The following PTGES2 variants were observed in gnomAD, a reference collection of about 807,000 sequenced individuals.
The protein encoded by PTGES2 is prostaglandin E synthase 2, also known as GATE-binding factor 1.
PTGES2 carries 35 observed loss-of-function variants against 44.5 expected under a neutral mutation model. The ratio of observed to expected loss-of-function variants is 0.79; its 90% CI spans 0.60 to 1.04. The LOEUF (loss-of-function observed/expected upper bound fraction) is 1.04. PTGES2 is among the 50% of genes least tolerant of loss of function. PTGES2 has a pLI of 0.00. For synonymous variants in PTGES2, 221 were observed against 227.5 expected (o/e 0.97, Z 0.26); for missense variants, 517 against 521.4 (o/e 0.99, Z 0.08).
upstream of PTGES2, chr9:128,127,995 A>G (rs568881399): frequency 3.3e-5 from 14 of 430,298 alleles, no homozygotes; most frequent in South Asian, 4.5e-4. Context: ...CAGGGGGGCG[A>G]ACGTCTCCTC....
intron 5 of PTGES2, chr9:128,122,688 G>C (rs2130848394): frequency 1.6e-6 from 1 of 629,804 alleles, no homozygotes; most frequent in African/African-American, 1.8e-5. Flanking sequence ...GAAAGCCACA[G>C]AGGAGGCGCC....
Position 128,123,580 on chromosome 9 carries a change from G to T in PTGES2, c.686+122C>A. ...TCTCTACTGAAATCCGGCATGGCCC[G>T]GCCCCAGCCCCGCTGGTCTCCCATG... On this transcript the variant is annotated intron_variant, in intron 4 of 6. Transcript: ENST00000338961. This position sits in a 1 kb window ranked among gnomAD's most constrained non-coding sequence, Gnocchi z 4.4. 1 of 1,056,392 alleles carries T rather than the reference G, an allele frequency of 9.5e-7. No individual in the cohort carries two copies. Among genetic ancestry groups the T allele is most frequent in the East Asian group, 2.6e-5 (1 of 38,288 alleles). 65.4% of individuals were successfully genotyped at this position (1,056,392 alleles called of 1,614,324 possible). A position where few individuals can be genotyped will look rare whatever the true frequency, so the allele number is the denominator to read the frequency against.
rs1834490468 is a variant in PTGES2, at chr9:128,123,151, G to C, written c.687-17C>G. On this transcript the variant is annotated splice_polypyrimidine_tract_variant and intron_variant, in intron 4 of 6. Transcript: ENST00000338961. The surrounding 1 kb of genome is among the most constrained non-coding windows in gnomAD (Gnocchi z 4.4). ...ATCTCCTCCCTGCGGGCACGGGAGG[G>C]ACTTCCTAAGCCAGGACCCGGGCTG... 6.2e-7 allele frequency: 1 copy of C among 1,604,122 alleles called. No individual in the cohort carries two copies. Among genetic ancestry groups the C allele is most frequent in the Admixed American group, 1.7e-5 (1 of 59,942 alleles).
At position 128,121,134 on chromosome 9, in the gene PTGES2, C is replaced by T. The variant is rs531086318; in HGVS notation, c.*11G>A. 2.0e-5 allele frequency: 32 copies of T among 1,577,126 alleles called. 1 individual carries two copies. In the African/African-American group the frequency reaches 3.1e-4, roughly 15 times the overall value. On this transcript the variant is annotated 3_prime_UTR_variant, in exon 7 of 7. Transcript: ENST00000338961. ...CTTCCGCTGCCTTCCCTCTGCTCTG[C>T]GCGGGGACATTCAGTGCGCTGGGGA... is the stretch of plus-strand genomic sequence containing the variant.
At chr9:128,127,400 C>T (rs748525676) in intron 1 of PTGES2, 39 bp downstream of exon 1, 2 of 1,331,162 alleles carry the variant, frequency 1.5e-6, no homozygotes, top group Admixed American at 3.1e-5. Context: ...GAGTTCGGCG[C>T]TGATCAGCAT....
rs1427196703 is a variant in PTGES2, at chr9:128,123,529, A to G, written c.686+173T>C. On this transcript the variant is annotated intron_variant, in intron 4 of 6. Transcript: ENST00000338961. The surrounding 1 kb of genome is among the most constrained non-coding windows in gnomAD (Gnocchi z 4.4). Reference sequence around the variant, plus strand: ...CCAACAGGCTGGGATTACAGGAGTGAGCCACCACGCCCGGCTGCAGGAAGG... The same window carrying G: ...CCAACAGGCTGGGATTACAGGAGTGGGCCACCACGCCCGGCTGCAGGAAGG... Among the ~76,000 whole-genome samples the G allele has an allele frequency of 6.6e-6, 1 of 152,084 alleles. No homozygotes were observed. Among genetic ancestry groups the G allele is most frequent in the Admixed American group, 6.5e-5 (1 of 15,270 alleles).
At position 128,121,233 on chromosome 9, in the gene PTGES2, G is replaced by A; in HGVS notation, c.1046C>T (p.Ala349Val). ...CGTGTGCTGCATCAGGTCATCGAAC[G>A]CATCCAGCCCCTCCATCACACGCAG... ...GVLRVMEGLD[A>V]FDDLMQHTHI... The change falls in exon 7 of 7, where the codon GCG becomes GTG. Residue 349 changes from alanine to valine, a missense_variant. Physicochemically the swap from Ala to Val is moderately conservative, Grantham distance 64 (BLOSUM62 0). Transcript: ENST00000338961. 6.2e-7 allele frequency: 1 copy of A among 1,607,290 alleles called. No individual in the cohort carries two copies. The highest frequency in any genetic ancestry group is 8.5e-7 in the Non-Finnish European group (1 of 1,176,594).
At chr9:128,124,959 T>C (rs757390246) in intron 2 of PTGES2, 4 of 933,374 alleles carry the variant, frequency 4.3e-6, no homozygotes, top group Non-Finnish European at 5.9e-6. Context: ...ACACAGCTAG[T>C]GAGTGGGTGA....
chr9:128,121,272 G>A lies in PTGES2; in HGVS notation c.1007C>T (p.Ala336Val), dbSNP rs181234370. 16 of 1,605,246 alleles carry A rather than the reference G, an allele frequency of 1.0e-5. No individual in the cohort carries two copies. Among genetic ancestry groups the A allele is most frequent in the East Asian group, 4.5e-5 (2 of 44,572 alleles). Reference sequence around the variant, plus strand: ...CATCACACGCAGCACGCCATACACCGCCTGGGGCACGAACAGAAACGTGTC... The same window carrying A: ...CATCACACGCAGCACGCCATACACCACCTGGGGCACGAACAGAAACGTGTC... ...GGQKPNLADL[A>V]VYGVLRVMEG... Residue 336 changes from alanine to valine, a missense_variant and splice_region_variant, in exon 7 of 7, where the codon GCG becomes GTG. By Grantham distance (64) the Ala-to-Val change is moderately conservative (BLOSUM62 0). Coordinates refer to ENST00000338961, the MANE Select transcript of PTGES2 (RefSeq NM_025072.7).
chr9:128,127,712 G>T lies in PTGES2; in HGVS notation c.6C>A (p.Asp2Glu). 1 of 1,267,850 alleles carries T rather than the reference G, an allele frequency of 7.9e-7. No homozygotes were observed. Among genetic ancestry groups the T allele is most frequent in the South Asian group, 2.8e-5 (1 of 36,104 alleles). The allele number at this position is 1,267,850 out of a possible 1,614,324, so 78.5% of individuals were successfully genotyped here. M[D>E]PAARVVRALW... is the part of the protein sequence containing the mutation. ...GCGCCCGCACCACCCGCGCAGCCGG[G>T]TCCATGTTCGCTCCGCCGGCGCCGC... The change falls in exon 1 of 7, where the codon GAC becomes GAA. Residue 2 changes from aspartate (D) to glutamate (E), a missense_variant. Coordinates refer to ENST00000338961, the MANE Select transcript of PTGES2 (RefSeq NM_025072.7).
upstream of PTGES2, chr9:128,128,393 A>C (rs1294349506): frequency 2.2e-6 from 1 of 455,348 alleles, no homozygotes; most frequent in Non-Finnish European, 4.4e-6. Flanking sequence ...CCCTAGCTGA[A>C]GCCCGGAGCC....
Position 128,124,011 on chromosome 9 carries a change from C to G in PTGES2, c.537-160G>C, listed in dbSNP as rs2130851609. Among the ~76,000 whole-genome samples the G allele has an allele frequency of 1.3e-5, 2 of 152,228 alleles. 1 individual carries two copies. Among genetic ancestry groups the G allele is most frequent in the South Asian group, 4.1e-4 (2 of 4,828 alleles). On this transcript the variant is annotated intron_variant, in intron 3 of 6. Transcript: ENST00000338961. ...TGGAGTAGATGCCAGGGCTACCTCC[C>G]CAAGAGAGGGAGGTGTGGGGAGGAC...
intron 1 of PTGES2, among the ~76,000 whole-genome samples, chr9:128,126,216 C>T (rs1049670378): frequency 6.6e-6 from 1 of 152,238 alleles, no homozygotes; most frequent in African/African-American, 2.4e-5. Context: ...GTACTCCATG[C>T]CCTTTTTACC....
intron 1 of PTGES2, among the ~76,000 whole-genome samples, chr9:128,126,179 C>A (rs969692001): frequency 6.6e-6 from 1 of 152,230 alleles, no homozygotes; most frequent in Non-Finnish European, 1.5e-5. Flanking sequence ...GGAAGCTGGA[C>A]CGTGGAGGCA....
chr9:128,126,645 G>A (rs1053623392), intron 1 of PTGES2, among the ~76,000 whole-genome samples: 3 of 152,016 alleles, frequency 2.0e-5, no homozygotes, highest in African/African-American at 7.3e-5. Context: ...GCTCATTTGA[G>A]GTCAGGAGTT....
intron 6 of PTGES2, 90 bp downstream of exon 6, chr9:128,122,272 C>T: frequency 2.0e-6 from 2 of 1,022,536 alleles, no homozygotes; most frequent in Non-Finnish European, 1.5e-6. Context: ...TGGCAAGATG[C>T]AAGCACCGTC....
At position 128,120,960 on chromosome 9, in the gene PTGES2, C is replaced by G. The variant is rs948504297; in HGVS notation, c.*185G>C. The G allele has an allele frequency of 1.4e-6, 1 of 740,686 alleles. No individual in the cohort carries two copies. The highest frequency in any genetic ancestry group is 1.8e-5 in the African/African-American group (1 of 55,990). 45.9% of individuals were successfully genotyped at this position (740,686 alleles called of 1,614,324 possible). A position where few individuals can be genotyped will look rare whatever the true frequency, so the allele number is the denominator to read the frequency against. On this transcript the variant is annotated 3_prime_UTR_variant, in exon 7 of 7. Transcript: ENST00000338961. The stretch of plus-strand genomic sequence containing the variant: ...CCAGGGCAGTGGCAGGGCTGGAACT[C>G]GTCCCTAACATCCCTGAGCCCCAGC...
chr9:128,125,017 G>T, intron 2 of PTGES2: 1 of 762,706 alleles, frequency 1.3e-6, no homozygotes, highest in Non-Finnish European at 2.0e-6. Flanking sequence ...ATGTTGTTAA[G>T]CTGTGGTGTT....
At position 128,125,227 on chromosome 9, in the gene PTGES2, G is replaced by C; in HGVS notation, c.477+17C>G. 6.4e-7 allele frequency: 1 copy of C among 1,557,854 alleles called. No homozygotes were observed. The highest frequency in any genetic ancestry group is 1.4e-5 in the African/African-American group (1 of 73,460). On this transcript the variant is annotated intron_variant, in intron 2 of 6. Coordinates refer to ENST00000338961, the MANE Select transcript of PTGES2 (RefSeq NM_025072.7). ...CCAGGAAAGGAGGAAGGATGCAGGG[G>C]GTTCCCTGGGGCTCACCGAGCTTTC...
Sources: gnomAD v4.1 joint callset for allele counts (sites outside exome capture counted in the v4.1 genomes callset) on GRCh38, gnomAD v4.1.1 for gene constraint, Gnocchi (gnomAD v3.1) non-coding constraint, MANE v1.5 for transcripts, NCBI Gene and HGNC (gene_info 2026-07-23, HGNC 2026-07-21) for gene names.